Variants in LRBA observed in about 807,000 individuals in gnomAD.
LRBA encodes LPS responsive beige-like anchor protein.
Under a neutral mutation model 330.0 loss-of-function variants are expected in LRBA, and 176 were observed. That is an observed-to-expected ratio of 0.53 (90% CI 0.47 to 0.60). The LOEUF (loss-of-function observed/expected upper bound fraction) is 0.60. Among genes scored for constraint, LRBA ranks in the 20% least tolerant of loss-of-function variants. The pLI is 0.00. For synonymous variants in LRBA, 1,230 were observed against 1,193.0 expected (o/e 1.03, Z -0.64); for missense variants, 3,259 against 3,444.8 (o/e 0.95, Z 1.35).
intron 35 of LRBA, among the ~76,000 whole-genome samples, chr4:150,737,394 A>G (rs915525613): frequency 2.0e-5 from 3 of 152,132 alleles, no homozygotes; most frequent in African/African-American, 7.2e-5. Context: ...TGGGTGGCGG[A>G]GCTTGCAGTG....
chr4:150,296,245 A>G (rs772604527), intron 53 of LRBA, among the ~76,000 whole-genome samples: 12 of 152,212 alleles, frequency 7.9e-5, no homozygotes, highest in Non-Finnish European at 1.2e-4. Flanking sequence ...ATCTTTAGCT[A>G]TTAAACACTC....
At chr4:150,647,092 G>A (rs1291149365) in intron 37 of LRBA, among the ~76,000 whole-genome samples, 2 of 151,846 alleles carry the variant, frequency 1.3e-5, no homozygotes, top group African/African-American at 4.8e-5. Flanking sequence ...GTAAAAATCA[G>A]GATTTTAGTA....
At chr4:150,346,483 C>T (rs1581073385) in intron 48 of LRBA, among the ~76,000 whole-genome samples, 1 of 151,754 alleles carries the variant, frequency 6.6e-6, no homozygotes, top group Non-Finnish European at 1.5e-5. Flanking sequence ...TATCTGTGGC[C>T]GGGTGCGGTG....
chr4:150,516,324 T>C (rs1168720823), intron 40 of LRBA, among the ~76,000 whole-genome samples: 1 of 144,738 alleles, frequency 6.9e-6, no homozygotes, highest in Non-Finnish European at 1.5e-5. Context: ...GCACCTAGAC[T>C]GTACAGTGGC....
intron 17 of LRBA, among the ~76,000 whole-genome samples, chr4:150,882,999 T>C (rs1461198553): frequency 1.3e-5 from 2 of 152,224 alleles, no homozygotes; most frequent in East Asian, 1.9e-4. Context: ...GAAATGTTAC[T>C]GATGACTATG....
At chr4:150,908,493 G>C (rs1302841695) in intron 10 of LRBA, 26 bp from the exon 11 acceptor site, 1 of 1,567,352 alleles carries the variant, frequency 6.4e-7, no homozygotes, top group Non-Finnish European at 8.6e-7. Flanking sequence ...ACACAGTAAA[G>C]AGTTCAATGA....
At chr4:150,438,307 C>G (rs1751390183) in intron 44 of LRBA, among the ~76,000 whole-genome samples, 1 of 152,032 alleles carries the variant, frequency 6.6e-6, no homozygotes, top group Non-Finnish European at 1.5e-5. Context: ...CATAGTGAGA[C>G]CCTGTTTCTA....
In LRBA at chr4:150,583,929, C is replaced by T. The variant is rs147719473; in HGVS notation, c.6330+4119G>A. On this transcript the variant is annotated intron_variant, in intron 40 of 56. Transcript: ENST00000651943. This position sits in a 1 kb window ranked among gnomAD's most constrained non-coding sequence, Gnocchi z 9.8. ...ACGAGTCGTGCCTGGGCGACCGGCT[C>T]AACGGCATCCTGCTGCAGCTCATCT... 2 of 1,612,850 alleles carry T rather than the reference C, an allele frequency of 1.2e-6. No individual in the cohort carries two copies. Among genetic ancestry groups the T allele is most frequent in the African/African-American group, 2.7e-5 (2 of 74,938 alleles).
chr4:150,995,239 A>G (rs915743332), intron 2 of LRBA, among the ~76,000 whole-genome samples: 61 of 152,224 alleles, frequency 4.0e-4, no homozygotes, highest in Non-Finnish European at 4.6e-4. Flanking sequence ...AGAGCATGAC[A>G]GAAGCAAACA....
At position 150,460,549 on chromosome 4, in the gene LRBA, A is replaced by G. The variant is rs1460847545; in HGVS notation, c.6780+7124T>C. 4.0e-5 allele frequency among the ~76,000 whole-genome samples: 6 copies of G among 151,846 alleles called. 1 individual carries two copies. Among genetic ancestry groups the G allele is most frequent in the Non-Finnish European group, 2.9e-5 (2 of 67,808 alleles). On this transcript the variant is annotated intron_variant, in intron 44 of 56. Transcript: ENST00000651943. The stretch of plus-strand genomic sequence containing the variant: ...TAGTCTAGCATTGTAACATAGGTTT[A>G]AAAACAAAACGAAACAAAACAAACA...
intron 47 of LRBA, among the ~76,000 whole-genome samples, chr4:150,403,539 C>G (rs1449243315): frequency 6.6e-6 from 1 of 152,018 alleles, no homozygotes; most frequent in Non-Finnish European, 1.5e-5. Flanking sequence ...TCTCTTTCTT[C>G]TTCTTCTTCC....
chr4:150,929,603 C>A (rs544620047), intron 2 of LRBA, among the ~76,000 whole-genome samples: 1 of 152,232 alleles, frequency 6.6e-6, no homozygotes, highest in South Asian at 2.1e-4. Flanking sequence ...AGTCACATAT[C>A]CAAAGTCAGT....
chr4:150,712,204 G>C (rs1043566609), intron 36 of LRBA, among the ~76,000 whole-genome samples: 5 of 152,070 alleles, frequency 3.3e-5, no homozygotes, highest in Non-Finnish European at 7.4e-5. Context: ...CTGGCTCATG[G>C]GTTATTTATT....
intron 53 of LRBA, among the ~76,000 whole-genome samples, chr4:150,290,962 A>G (rs920845625): frequency 9.2e-5 from 14 of 152,072 alleles, no homozygotes; most frequent in Non-Finnish European, 2.1e-4. Context: ...TTATTTATTT[A>G]TTTTTTATTA....
At chr4:150,665,917 C>G (rs1333305956) in intron 37 of LRBA, among the ~76,000 whole-genome samples, 1 of 152,090 alleles carries the variant, frequency 6.6e-6, no homozygotes, top group African/African-American at 2.4e-5. Flanking sequence ...TCAAAACACG[C>G]AGTAGAATGG....
In LRBA at chr4:150,905,840, T is replaced by C. The variant is rs1731270906; in HGVS notation, c.1753A>G (p.Lys585Glu). ...NPAIWIHTPA[K>E]VQLMLYTYLS... Reference sequence around the variant, plus strand: ...ATCAATATATAGATATATATTACCTTGGCTGGGGTATGAATCCATATGGCA... The same window carrying C: ...ATCAATATATAGATATATATTACCTCGGCTGGGGTATGAATCCATATGGCA... Residue 585 changes from lysine to glutamate, a missense_variant and splice_region_variant, in exon 13 of 57, where the codon AAG becomes GAG. Coordinates refer to ENST00000651943, the MANE Select transcript of LRBA (RefSeq NM_001364905.1). 6.2e-7 allele frequency: 1 copy of C among 1,611,868 alleles called. No homozygotes were observed. Among genetic ancestry groups the C allele is most frequent in the Non-Finnish European group, 8.5e-7 (1 of 1,178,586 alleles).
At chr4:150,601,414 C>A (rs113654064) in intron 37 of LRBA, among the ~76,000 whole-genome samples, 2 of 151,804 alleles carry the variant, frequency 1.3e-5, no homozygotes, top group African/African-American at 4.8e-5. Context: ...AGCAGAAAAA[C>A]CAGAGGAATT....
intron 33 of LRBA, among the ~76,000 whole-genome samples, chr4:150,803,518 T>C (rs1384565215): frequency 6.6e-6 from 1 of 152,106 alleles, no homozygotes; most frequent in African/African-American, 2.4e-5. Flanking sequence ...TTAAGAAGCT[T>C]TGTAATGTTT....
intron 40 of LRBA, among the ~76,000 whole-genome samples, chr4:150,499,689 T>C (rs1227154367): frequency 6.6e-6 from 1 of 151,958 alleles, no homozygotes; most frequent in Non-Finnish European, 1.5e-5. Context: ...TCTATAGTCA[T>C]AAGCTTTCTA....
Sources: gnomAD v4.1 joint callset for allele counts (sites outside exome capture counted in the v4.1 genomes callset) on GRCh38, gnomAD v4.1.1 for gene constraint, Gnocchi (gnomAD v3.1) non-coding constraint, MANE v1.5 for transcripts, NCBI Gene and HGNC (gene_info 2026-07-23, HGNC 2026-07-21) for gene names.